The following PTPRD variants were observed in gnomAD, a reference collection of about 807,000 sequenced individuals.
The protein encoded by PTPRD is receptor-type tyrosine-protein phosphatase delta.
PTPRD carries 34 observed loss-of-function variants against 214.5 expected under a neutral mutation model. That is an observed-to-expected ratio of 0.16 (90% confidence interval 0.12 to 0.21). PTPRD has a LOEUF of 0.21. Among genes scored for constraint, PTPRD ranks in the 10% least tolerant of loss-of-function variants. PTPRD has a pLI of 1.00. For missense variants in PTPRD, 2,545 were observed against 2,398.7 expected (o/e 1.06, Z -1.27); for synonymous variants, 1,128 against 845.7 (o/e 1.33, Z -5.79).
chr9:10,014,270 G>C (rs79704935), intron 4 of PTPRD, among the ~76,000 whole-genome samples: 1 of 151,952 alleles, frequency 6.6e-6, no homozygotes, highest in South Asian at 2.1e-4. Context: ...GACTCAGTGA[G>C]GCTAAGTAAT....
intron 12 of PTPRD, among the ~76,000 whole-genome samples, chr9:8,653,416 G>T (rs77375623): frequency 6.6e-6 from 1 of 151,948 alleles, no homozygotes; most frequent in African/African-American, 2.4e-5. Flanking sequence ...TTTTTTAAAG[G>T]GTCAATATAA....
At chr9:9,388,024 G>A (rs981366774) in intron 9 of PTPRD, among the ~76,000 whole-genome samples, 1 of 151,986 alleles carries the variant, frequency 6.6e-6, no homozygotes, top group Non-Finnish European at 1.5e-5. Flanking sequence ...GGAGTTTCTT[G>A]CCTTGCTGTA....
rs146934518 is a variant in PTPRD, at chr9:9,375,080, T to C, written c.-203+22369A>G. Among the ~76,000 whole-genome samples, 39 of 152,296 alleles carry C rather than the reference T, an allele frequency of 2.6e-4. No individual in the cohort carries two copies. In the East Asian group the frequency reaches 6.8e-3, roughly 26 times the overall value. The stretch of plus-strand genomic sequence containing the variant: ...GGTCTATAACCAAACTCTGTGTGTG[T>C]ATGTGTATGTGCGTGTGTGTGTTGG... On this transcript the variant is annotated intron_variant, in intron 9 of 45. Coordinates refer to ENST00000381196, the MANE Select transcript of PTPRD (RefSeq NM_002839.4).
chr9:9,107,548 G>T (rs1277803174), intron 10 of PTPRD, among the ~76,000 whole-genome samples: 2 of 152,134 alleles, frequency 1.3e-5, no homozygotes, highest in Admixed American at 6.6e-5. Context: ...ATTGTGGCAG[G>T]AGTCTGTGTG....
chr9:9,053,259 G>A (rs1022451662), intron 10 of PTPRD, among the ~76,000 whole-genome samples: 3 of 152,218 alleles, frequency 2.0e-5, no homozygotes, highest in East Asian at 3.9e-4. Flanking sequence ...CAGAGTCCAA[G>A]TTTAGTTCTA....
At chr9:10,228,575 T>C (rs1048983725) in intron 3 of PTPRD, among the ~76,000 whole-genome samples, 3 of 151,974 alleles carry the variant, frequency 2.0e-5, no homozygotes, top group Non-Finnish European at 4.4e-5. Context: ...GCACAGTAAA[T>C]ATTTGCCATC....
At chr9:10,493,387 G>C (rs753647253) in intron 2 of PTPRD, among the ~76,000 whole-genome samples, 2 of 152,112 alleles carry the variant, frequency 1.3e-5, no homozygotes, top group East Asian at 1.9e-4. Context: ...CATGGTACTG[G>C]TACCAAAACA....
At chr9:8,432,564 C>G (rs1053997574) in intron 35 of PTPRD, among the ~76,000 whole-genome samples, 6 of 152,178 alleles carry the variant, frequency 3.9e-5, no homozygotes, top group Admixed American at 3.9e-4. Flanking sequence ...AACATTTACT[C>G]ACAGTGATTA....
chr9:10,179,082 C>T (rs1741734553), intron 3 of PTPRD, among the ~76,000 whole-genome samples: 1 of 151,618 alleles, frequency 6.6e-6, no homozygotes, highest in Admixed American at 6.6e-5. Context: ...AAATATTAAA[C>T]CAAAATTTTA....
chr9:9,485,645 C>T (rs990005877), intron 8 of PTPRD, among the ~76,000 whole-genome samples: 2 of 152,170 alleles, frequency 1.3e-5, no homozygotes, highest in Non-Finnish European at 2.9e-5. Flanking sequence ...CATAATTCCA[C>T]AAAATTCTCT....
chr9:8,713,526 G>C (rs148273331), intron 12 of PTPRD: 20,961 of 1,234,746 alleles, frequency 0.017, 523 homozygotes, highest in African/African-American at 0.08. Context: ...AGAAGTCCCC[G>C]CTGCGGGTGA....
intron 27 of PTPRD, 27 bp from the exon 28 acceptor site, chr9:8,486,376 G>A (rs1359270541): frequency 6.4e-7 from 1 of 1,571,162 alleles, no homozygotes; most frequent in Non-Finnish European, 8.8e-7. Flanking sequence ...GGAGTGGTAA[G>A]ACCAACCAAT....
intron 7 of PTPRD, among the ~76,000 whole-genome samples, chr9:9,734,144 T>C (rs1162840517): frequency 6.6e-6 from 1 of 152,190 alleles, no homozygotes; most frequent in East Asian, 1.9e-4. Context: ...AATTTTTGTG[T>C]CAGCTCATCT....
chr9:8,707,179 T>C (rs1359970317), intron 12 of PTPRD, among the ~76,000 whole-genome samples: 2 of 152,166 alleles, frequency 1.3e-5, no homozygotes, highest in East Asian at 1.9e-4. Context: ...CAATAAAATA[T>C]GTGGGTATAT....
intron 10 of PTPRD, among the ~76,000 whole-genome samples, chr9:9,170,734 T>A (rs2099912821): frequency 6.6e-6 from 1 of 152,176 alleles, no homozygotes; most frequent in African/African-American, 2.4e-5. Flanking sequence ...ATATAATTAA[T>A]ATGTGCTTAT....
chr9:9,586,101 C>T (rs1212111644), intron 7 of PTPRD, among the ~76,000 whole-genome samples: 1 of 151,980 alleles, frequency 6.6e-6, no homozygotes, highest in Non-Finnish European at 1.5e-5. Context: ...GTTTCCTGGG[C>T]TAGTTGCGGT....
intron 11 of PTPRD, among the ~76,000 whole-genome samples, chr9:8,975,745 C>T (rs1430750560): frequency 6.6e-6 from 1 of 151,152 alleles, no homozygotes. Context: ...CACATATTTC[C>T]TGCAGAAAAG....
At chr9:10,295,742 T>A (rs146864672) in intron 3 of PTPRD, among the ~76,000 whole-genome samples, 1 of 152,094 alleles carries the variant, frequency 6.6e-6, no homozygotes, top group East Asian at 1.9e-4. Context: ...ATTGACATCA[T>A]CCTACGTTAC....
At chr9:9,998,128 A>T (rs1351466462) in intron 4 of PTPRD, among the ~76,000 whole-genome samples, 6 of 101,274 alleles carry the variant, frequency 5.9e-5, no homozygotes, top group African/African-American at 2.5e-4. Flanking sequence ...AAAAAAAAAA[A>T]AATATATATA....
Sources: allele counts gnomAD v4.1 joint callset (sites outside exome capture counted in the v4.1 genomes callset), GRCh38; gene constraint gnomAD v4.1.1; transcripts MANE v1.5; gene names NCBI Gene and HGNC (gene_info 2026-07-23, HGNC 2026-07-21).